The following RARA variants were observed in gnomAD, a reference collection of about 807,000 sequenced individuals.
RARA encodes the protein PML-DDX5-RARA fusion.
In RARA, 5 loss-of-function variants were observed where a neutral mutation model predicts 42.8. The ratio of observed to expected loss-of-function variants is 0.12; its 90% CI spans 0.06 to 0.25. RARA has a LOEUF of 0.25. RARA is among the 10% of genes least tolerant of loss of function. The probability of loss-of-function intolerance (pLI) is 1.00; values close to 1 mark genes in which losing one functional copy is unlikely to be tolerated. For missense variants in RARA, 402 were observed against 628.7 expected (o/e 0.64, Z 3.86); for synonymous variants, 256 against 259.5 (o/e 0.99, Z 0.13).
At chr17:40,340,175 T>C (rs2033988806) in intron 2 of RARA, among the ~76,000 whole-genome samples, 1 of 151,520 alleles carries the variant, frequency 6.6e-6, no homozygotes. Context: ...CCTTCCTCTG[T>C]CCATCAGCAC....
chr17:40,334,952 G>T (rs890974897), intron 2 of RARA, among the ~76,000 whole-genome samples: 1 of 152,142 alleles, frequency 6.6e-6, no homozygotes, highest in African/African-American at 2.4e-5. Flanking sequence ...ATGGTCCGGC[G>T]ATTCTCCCCG....
In RARA at chr17:40,345,024, TGGCC is replaced by T. The variant is rs914284573; in HGVS notation, c.179-3291_179-3288del. 7.9e-5 allele frequency among the ~76,000 whole-genome samples: 12 copies of T among 152,054 alleles called. No individual in the cohort carries two copies. Among genetic ancestry groups the T allele is most frequent in the African/African-American group, 2.9e-4 (12 of 41,396 alleles). On this transcript the variant is annotated intron_variant, in intron 2 of 8. Coordinates refer to ENST00000254066, the MANE Select transcript of RARA (RefSeq NM_000964.4). The surrounding 1 kb of genome is among the most constrained non-coding windows in gnomAD (Gnocchi z 4.8). Reference sequence around the variant, plus strand: ...AGAGCAGGTTGGCTCTGGGAGGAGGTGGCCTGGGTTCTGCAGGGCCCTAGGGACA... The same window carrying T: ...AGAGCAGGTTGGCTCTGGGAGGAGGTTGGGTTCTGCAGGGCCCTAGGGACA...
At chr17:40,340,471 C>T (rs1298670787) in intron 2 of RARA, among the ~76,000 whole-genome samples, 1 of 152,178 alleles carries the variant, frequency 6.6e-6, no homozygotes, top group Non-Finnish European at 1.5e-5. Flanking sequence ...AATTTTGTGC[C>T]CCATGATTCT....
chr17:40,357,345 A>AAC lies in RARA; in HGVS notation c.*1130_*1131dup, dbSNP rs900889212. On this transcript the variant is annotated 3_prime_UTR_variant, in exon 9 of 9. Coordinates refer to ENST00000254066, the MANE Select transcript of RARA (RefSeq NM_000964.4). Reference sequence around the variant, plus strand: ...ACACATGCGCGTGCGCACACACACAAACACACACACACTGGACAGTAGATG... The same window carrying AAC: ...ACACATGCGCGTGCGCACACACACAAACACACACACACACTGGACAGTAGATG... 2.2e-5 allele frequency: 5 copies of AAC among 232,014 alleles called. No individual in the cohort carries two copies. The highest frequency in any genetic ancestry group is 3.4e-5 in the Non-Finnish European group (4 of 117,832). 14.4% of individuals were successfully genotyped at this position (232,014 alleles called of 1,614,324 possible). A position where few individuals can be genotyped will look rare whatever the true frequency, so the allele number is the denominator to read the frequency against.
At chr17:40,316,482 C>T (rs900385583) in intron 1 of RARA, among the ~76,000 whole-genome samples, 3 of 152,238 alleles carry the variant, frequency 2.0e-5, no homozygotes, top group African/African-American at 7.2e-5. Context: ...ACCTGAAGGT[C>T]GTCCCACTTG....
At chr17:40,346,886 G>A (rs941118610) in intron 2 of RARA, among the ~76,000 whole-genome samples, 1 of 152,280 alleles carries the variant, frequency 6.6e-6, no homozygotes, top group African/African-American at 2.4e-5. Flanking sequence ...TGGTCAGCCA[G>A]GCTGGCCTGG....
At chr17:40,348,264 C>G (rs1236411548) in intron 2 of RARA, 52 bp from the exon 3 acceptor site, 2 of 1,505,808 alleles carry the variant, frequency 1.3e-6, no homozygotes, top group East Asian at 5.1e-5. Flanking sequence ...GAGCTTGGTA[C>G]TAAGGATGGC....
chr17:40,343,484 C>T (rs1395942246), intron 2 of RARA, among the ~76,000 whole-genome samples: 2 of 152,166 alleles, frequency 1.3e-5, no homozygotes, highest in African/African-American at 4.8e-5. Context: ...GGCACTGGGT[C>T]CTTATGGGGT....
rs774732066 is a variant in RARA at position 40,331,393 on chromosome 17, G to T, written c.175G>T (p.Ala59Ser). The T allele has an allele frequency of 1.9e-6, 3 of 1,612,724 alleles. No homozygotes were observed. The highest frequency in any genetic ancestry group is 2.5e-6 in the Non-Finnish European group (3 of 1,179,302). ...PVSGYSTPSP[A>S]TIETQSSSSE... ...TAGTGGATATAGCACACCATCCCCA[G>T]CCAGTAAGTCTGGGTGTGGGGGCTG... Residue 59 changes from alanine to serine, a missense_variant, in exon 2 of 9, where the codon GCC becomes TCC. Ala to Ser is a moderately conservative substitution (Grantham distance 99). This residue lies in a region of RARA where 91 missense variants were observed against 105.2 expected (regional missense o/e 0.87). Transcript: ENST00000254066.
chr17:40,340,893 A>G (rs2034011851), intron 2 of RARA: 1 of 400,174 alleles, frequency 2.5e-6, no homozygotes, highest in Non-Finnish European at 4.4e-6. Context: ...ACTCTTTATT[A>G]TTAGTAATGT....
intron 2 of RARA, among the ~76,000 whole-genome samples, chr17:40,334,948 C>T (rs749998936): frequency 1.1e-4 from 16 of 152,068 alleles, no homozygotes; most frequent in Non-Finnish European, 2.4e-4. Flanking sequence ...AGAGATGGTC[C>T]GGCGATTCTC....
rs374743129 is a variant in RARA, at chr17:40,355,242, G to C, written c.1013-21G>C. On this transcript the variant is annotated intron_variant, in intron 7 of 8. Transcript: ENST00000254066. This position sits in a 1 kb window ranked among gnomAD's most constrained non-coding sequence, Gnocchi z 4.1. ...TGCAGCTGTGTTCCCAGCTGCTCAG[G>C]GGGTGGTTCTGCTTCCTCAGACCGC... 156 of 1,552,028 alleles carry C rather than the reference G, an allele frequency of 1.0e-4. 1 individual carries two copies. In the African/African-American group the frequency reaches 1.9e-3, roughly 18 times the overall value.
chr17:40,342,614 C>A, intron 2 of RARA: 1 of 1,509,676 alleles, frequency 6.6e-7, no homozygotes, highest in South Asian at 1.3e-5. Context: ...TCCTCTCCCC[C>A]AGCTGCTCTG....
At chr17:40,338,220 T>G (rs1387378208) in intron 2 of RARA, among the ~76,000 whole-genome samples, 2 of 152,238 alleles carry the variant, frequency 1.3e-5, no homozygotes, top group African/African-American at 2.4e-5. Context: ...CAGGCCTGCC[T>G]GCCCTTTGAG....
chr17:40,321,596 T>C (rs1030970366), intron 1 of RARA, among the ~76,000 whole-genome samples: 4 of 152,190 alleles, frequency 2.6e-5, no homozygotes, highest in Non-Finnish European at 5.9e-5. Context: ...GGAAAGGCCA[T>C]GGGCTGTCCA....
chr17:40,314,108 G>A (rs183987434), intron 1 of RARA, among the ~76,000 whole-genome samples: 116 of 151,554 alleles, frequency 7.7e-4, no homozygotes, highest in African/African-American at 2.7e-3. Flanking sequence ...TTGGGTGGAC[G>A]GGCTTAAAGG....
At chr17:40,350,949 A>G (rs2034422968) in intron 4 of RARA, among the ~76,000 whole-genome samples, 1 of 151,802 alleles carries the variant, frequency 6.6e-6, no homozygotes, top group Admixed American at 6.6e-5. Context: ...AGGACCAGGG[A>G]GGGGACCCCT....
intron 2 of RARA, among the ~76,000 whole-genome samples, chr17:40,331,935 G>T (rs1377282929): frequency 6.6e-6 from 1 of 152,178 alleles, no homozygotes; most frequent in Non-Finnish European, 1.5e-5. Flanking sequence ...TTGTGGGGAG[G>T]ATGAGAGGGA....
rs916839838 is a variant in RARA, at chr17:40,324,953, T to A, written c.-362-5904T>A. On this transcript the variant is annotated intron_variant, in intron 1 of 8. Transcript: ENST00000254066. ...TCCAGCCCTCCTAGGGAAGCCTCTT[T>A]TAAAATGAGGCTGGGCTGGCCGGGC... Among the ~76,000 whole-genome samples the A allele has an allele frequency of 2.0e-5, 3 of 152,156 alleles. No individual in the cohort carries two copies. The East Asian group carries it at 5.8e-4, about 29-fold the overall frequency.
Sources: gnomAD v4.1 joint callset for allele counts (sites outside exome capture counted in the v4.1 genomes callset) on GRCh38, gnomAD v4.1.1 for gene constraint, gnomAD v4.1.1 regional missense constraint, Gnocchi (gnomAD v3.1) non-coding constraint, MANE v1.5 for transcripts, NCBI Gene and HGNC (gene_info 2026-07-23, HGNC 2026-07-21) for gene names.